The following ROBO2 variants were observed in gnomAD, a reference collection of about 807,000 sequenced individuals.
ROBO2 encodes the protein roundabout guidance receptor 2.
ROBO2 carries 53 observed loss-of-function variants against 160.8 expected under a neutral mutation model. That is an observed-to-expected ratio of 0.33 (90% CI 0.26 to 0.41). The LOEUF is 0.41. ROBO2 is among the 10% of genes least tolerant of loss of function. ROBO2 has a pLI of 1.00. For synonymous variants in ROBO2, 664 were observed against 611.7 expected, an observed-to-expected ratio of 1.09 and a Z score of -1.26; for missense variants, 1,577 against 1,722.4, an observed-to-expected ratio of 0.92 and a Z score of 1.49.
At chr3:77,201,356 T>C (rs1054769400) in intron 2 of ROBO2, among the ~76,000 whole-genome samples, 1 of 152,192 alleles carries the variant, frequency 6.6e-6, no homozygotes, top group Admixed American at 6.6e-5. Flanking sequence ...AAGTGGAAAA[T>C]CTTTCCAGAA....
intron 7 of ROBO2, 97 bp downstream of exon 8, chr3:77,546,559 T>G: frequency 6.9e-7 from 1 of 1,451,064 alleles, no homozygotes; most frequent in Middle Eastern, 1.8e-4. Flanking sequence ...TCTCAATGTT[T>G]GAATTTATTT....
intron 2 of ROBO2, among the ~76,000 whole-genome samples, chr3:77,353,723 C>T (rs2068674576): frequency 6.6e-6 from 1 of 152,192 alleles, no homozygotes; most frequent in South Asian, 2.1e-4. Context: ...GTTGGCCAGG[C>T]TGGTCTCAAA....
rs146348125 is a variant in ROBO2 at position 77,599,114 on chromosome 3, C to T, written c.2854+2364C>T. Among the ~76,000 whole-genome samples the T allele has an allele frequency of 1.3e-4, 20 of 152,154 alleles. 1 individual carries two copies. The highest frequency in any genetic ancestry group is 3.4e-4 in the African/African-American group (14 of 41,522). ...TAGATGAACAGCAAGGCCAAGACAA[C>T]GTTTTTGTAGAGTTGACTGTATCCC... On this transcript the variant is annotated intron_variant, in intron 19 of 25. Transcript: ENST00000461745.
At chr3:76,382,415 C>T (rs552964978) in intron 2 of ROBO2, among the ~76,000 whole-genome samples, 2 of 152,200 alleles carry the variant, frequency 1.3e-5, no homozygotes, top group Admixed American at 6.5e-5. Flanking sequence ...GGTGGAACCC[C>T]GTCTCTACTA....
At chr3:75,948,085 AG>A (rs1014681251) in intron 2 of ROBO2, among the ~76,000 whole-genome samples, 4 of 152,078 alleles carry the variant, frequency 2.6e-5, no homozygotes, top group African/African-American at 9.7e-5. Flanking sequence ...TGAAGGCCCC[AG>A]GTAGCCTTGG....
rs559892944 is a variant in ROBO2 at position 76,510,419 on chromosome 3, G to T, written c.109+572817G>T. ...GTTGAAGTTCTATGCTGAAAGTGATGAATAGAAGTTAATGAAAAATATGGC... is the reference window on the plus strand; with the variant it reads ...GTTGAAGTTCTATGCTGAAAGTGATTAATAGAAGTTAATGAAAAATATGGC... On this transcript the variant is annotated intron_variant, in intron 2 of 26. Transcript: ENST00000487694. Among the ~76,000 whole-genome samples, 4 of 152,200 alleles carry T rather than the reference G, an allele frequency of 2.6e-5. No homozygotes were observed. In the East Asian group the frequency reaches 7.8e-4, roughly 30 times the overall value.
intron 20 of ROBO2, among the ~76,000 whole-genome samples, chr3:77,606,992 C>T (rs2094538042): frequency 6.6e-6 from 1 of 152,106 alleles, no homozygotes; most frequent in African/African-American, 2.4e-5. Context: ...GAGTAAAAAC[C>T]ATGGCACTGT....
chr3:77,021,871 G>C (rs1199159788), intron 2 of ROBO2, among the ~76,000 whole-genome samples: 2 of 152,142 alleles, frequency 1.3e-5, no homozygotes, highest in Non-Finnish European at 2.9e-5. Context: ...GACTAAGCAG[G>C]AAGGTCTTCA....
intron 2 of ROBO2, among the ~76,000 whole-genome samples, chr3:77,388,447 T>G (rs2074364177): frequency 6.6e-6 from 1 of 152,148 alleles, no homozygotes; most frequent in African/African-American, 2.4e-5. Flanking sequence ...TGAAAAACTA[T>G]GTTGGGATCT....
intron 2 of ROBO2, among the ~76,000 whole-genome samples, chr3:76,174,867 A>T (rs190854477): frequency 4.6e-4 from 70 of 152,224 alleles, no homozygotes; most frequent in Middle Eastern, 6.8e-3. Context: ...GTTCCATATA[A>T]AATTTAAGGT....
At chr3:77,557,852 G>A (rs573666903) in intron 8 of ROBO2, 92 bp from the exon 10 acceptor site, 5 of 959,186 alleles carry the variant, frequency 5.2e-6, no homozygotes, top group Non-Finnish European at 8.5e-6. Context: ...TATATATTGT[G>A]TTGGGGCTTT....
chr3:77,608,694 T>C (rs995626181), intron 21 of ROBO2, among the ~76,000 whole-genome samples: 1 of 152,202 alleles, frequency 6.6e-6, no homozygotes, highest in Non-Finnish European at 1.5e-5. Context: ...TGTTTCCTTT[T>C]CTAGTTTAAT....
intron 2 of ROBO2, among the ~76,000 whole-genome samples, chr3:76,694,559 T>G (rs186988556): frequency 6.6e-6 from 1 of 152,084 alleles, no homozygotes; most frequent in African/African-American, 2.4e-5. Context: ...CTTTATAATG[T>G]TTTTTTTCAA....
At chr3:75,979,137 T>C (rs1305656849) in intron 2 of ROBO2, among the ~76,000 whole-genome samples, 1 of 151,526 alleles carries the variant, frequency 6.6e-6, no homozygotes, top group African/African-American at 2.4e-5. Flanking sequence ...TGAAAAATAA[T>C]AAATGGTTGT....
At chr3:76,550,123 G>A (rs2083328242) in intron 2 of ROBO2, among the ~76,000 whole-genome samples, 2 of 152,198 alleles carry the variant, frequency 1.3e-5, no homozygotes, top group South Asian at 4.1e-4. Context: ...ATTTTGCCAT[G>A]TATCTTCACC....
At chr3:77,162,681 T>A (rs1191075525) in intron 2 of ROBO2, among the ~76,000 whole-genome samples, 1 of 152,208 alleles carries the variant, frequency 6.6e-6, no homozygotes, top group African/African-American at 2.4e-5. Context: ...TAACGTATGC[T>A]TTATAAATGT....
intron 2 of ROBO2, among the ~76,000 whole-genome samples, chr3:75,981,537 A>G (rs1372626609): frequency 7.0e-6 from 1 of 142,568 alleles, no homozygotes; most frequent in Non-Finnish European, 1.5e-5. Context: ...TTAGTTAAAT[A>G]TTAAATATTA....
intron 2 of ROBO2, among the ~76,000 whole-genome samples, chr3:76,995,252 A>G (rs2060928444): frequency 6.6e-6 from 1 of 152,108 alleles, no homozygotes; most frequent in African/African-American, 2.4e-5. Context: ...TTCCAGCTTC[A>G]TCCATGACCC....
chr3:76,078,061 T>A (rs2108007391), intron 2 of ROBO2, among the ~76,000 whole-genome samples: 1 of 152,304 alleles, frequency 6.6e-6, no homozygotes, highest in East Asian at 1.9e-4. Flanking sequence ...AATTTCACAA[T>A]ACTGGAATAT....
Sources: allele counts gnomAD v4.1 joint callset (sites outside exome capture counted in the v4.1 genomes callset), GRCh38; gene constraint gnomAD v4.1.1; transcripts MANE v1.5; gene names NCBI Gene and HGNC (gene_info 2026-07-23, HGNC 2026-07-21).